The following PKHD1 variants were observed in gnomAD, a reference collection of about 807,000 sequenced individuals.
PKHD1 encodes the protein PKHD1 ciliary IPT domain containing fibrocystin/polyductin.
Under a neutral mutation model 412.0 loss-of-function variants are expected in PKHD1, and 291 were observed. The ratio of observed to expected loss-of-function variants is 0.71; its 90% CI spans 0.64 to 0.78. The LOEUF is 0.78. Ranked by LOEUF, PKHD1 falls within the 30% of genes least tolerant of loss-of-function variation. The probability of loss-of-function intolerance (pLI) is 0.00; values close to 1 mark genes in which losing one functional copy is unlikely to be tolerated. For synonymous variants in PKHD1, 1,777 were observed against 1,821.5 expected (o/e 0.98, Z 0.62); for missense variants, 4,825 against 4,950.7 (o/e 0.97, Z 0.76).
intron 60 of PKHD1, among the ~76,000 whole-genome samples, chr6:51,662,937 T>C (rs926668953): frequency 6.6e-6 from 1 of 152,082 alleles, no homozygotes; most frequent in Non-Finnish European, 1.5e-5. Flanking sequence ...AATTTAATTA[T>C]CAAATTTAAA....
chr6:51,870,386 A>G lies in PKHD1; in HGVS notation c.7486+118T>C. 11 of 911,392 alleles carry G rather than the reference A, an allele frequency of 1.2e-5. No homozygotes were observed. In the South Asian group the frequency reaches 1.5e-4, roughly 13 times the overall value. The allele number at this position is 911,392 out of a possible 1,614,324, so 56.5% of individuals were successfully genotyped here. A position where few individuals can be genotyped will look rare whatever the true frequency, so the allele number is the denominator to read the frequency against. On this transcript the variant is annotated intron_variant, in intron 47 of 66. Transcript: ENST00000371117. ...TTAGGAGATTTAAGCAACAGTTTCT[A>G]CTGATGCAATCTTATAACTGAAAGA...
At position 52,025,461 on chromosome 6, in the gene PKHD1, T is replaced by A. The variant is rs765400037; in HGVS notation, c.4349A>T (p.Asp1450Val). 6.2e-7 allele frequency: 1 copy of A among 1,608,864 alleles called. No homozygotes were observed. The highest frequency in any genetic ancestry group is 8.5e-7 in the Non-Finnish European group (1 of 1,176,612). ...TILCQVSLEG[D>V]PLPGASFSLN... ...GGAGAAGGAAGCTCCAGGCAAGGGG[T>A]CACCCTCCAGGCTAACCTGGCAGAG... Residue 1450 changes from aspartate (D) to valine (V), a missense_variant, in exon 32 of 67, where the codon GAC (aspartate) becomes GTC (valine). By Grantham distance (152) the Asp-to-Val change is radical. Coordinates refer to ENST00000371117, the MANE Select transcript of PKHD1 (RefSeq NM_138694.4).
At chr6:51,912,693 T>G in intron 37 of PKHD1, 117 bp from the exon 38 acceptor site, 1 of 778,300 alleles carries the variant, frequency 1.3e-6, no homozygotes, top group Middle Eastern at 2.5e-4. Flanking sequence ...AAATAAGACC[T>G]GGAAAAGCAA....
chr6:52,082,437 A>G lies in PKHD1; in HGVS notation c.236T>C (p.Val79Ala). 6 of 1,614,128 alleles carry G rather than the reference A, an allele frequency of 3.7e-6. No individual in the cohort carries two copies. Among genetic ancestry groups the G allele is most frequent in the Non-Finnish European group, 5.1e-6 (6 of 1,179,980 alleles). The change falls in exon 4 of 67, where the codon GTC (valine) becomes GCC (alanine). Residue 79 changes from valine (V) to alanine (A), a missense_variant. By Grantham distance (64) the Val-to-Ala change is moderately conservative (BLOSUM62 0). Coordinates refer to ENST00000371117, the MANE Select transcript of PKHD1 (RefSeq NM_138694.4). ...AGGCAAATCCAAGAAAACAGGAAAGACGTCACAGGGAACACTCCGCAGTGC... is the reference window on the plus strand; with the variant it reads ...AGGCAAATCCAAGAAAACAGGAAAGGCGTCACAGGGAACACTCCGCAGTGC... Reference protein sequence around the residue: ...VPALRSVPCDVFPVFLDLPVV... With the variant: ...VPALRSVPCDAFPVFLDLPVV...
At chr6:52,039,196 T>C (rs1804424862) in intron 27 of PKHD1, among the ~76,000 whole-genome samples, 1 of 152,232 alleles carries the variant, frequency 6.6e-6, no homozygotes, top group African/African-American at 2.4e-5. Context: ...CCCATTAAGA[T>C]GGCTACTGTG....
chr6:51,752,565 G>A (rs762627961), intron 57 of PKHD1, among the ~76,000 whole-genome samples: 4 of 152,080 alleles, frequency 2.6e-5, no homozygotes, highest in Non-Finnish European at 4.4e-5. Flanking sequence ...CTTTATTCTC[G>A]GCCTTCTCCA....
intron 49 of PKHD1, among the ~76,000 whole-genome samples, chr6:51,855,419 A>G (rs1424679236): frequency 1.3e-5 from 2 of 152,086 alleles, no homozygotes; most frequent in Non-Finnish European, 1.5e-5. Context: ...CCTTAACCCA[A>G]TCCAGCCTGG....
rs778185723 is a variant in PKHD1 at position 51,659,502 on chromosome 6, G to A, written c.10624C>T (p.Leu3542Phe). 1.2e-6 allele frequency: 2 copies of A among 1,613,260 alleles called. No individual in the cohort carries two copies. The highest frequency in any genetic ancestry group is 1.7e-6 in the Non-Finnish European group (2 of 1,179,460). ...GANYFNIMDNLLYVVLQGEEP... is the reference protein window; with the variant it reads ...GANYFNIMDNFLYVVLQGEEP... ...TCTCCTTGTAGGACAACATACAAGA[G>A]GTTATCCATGATGTTGAAATAGTTG... The change falls in exon 61 of 67, where the codon CTC becomes TTC. Residue 3542 changes from leucine to phenylalanine, a missense_variant. By Grantham distance (22) the Leu-to-Phe change is conservative. Transcript: ENST00000371117.
chr6:51,624,366 T>C (rs1029865898), intron 66 of PKHD1, among the ~76,000 whole-genome samples: 3 of 152,218 alleles, frequency 2.0e-5, no homozygotes. Context: ...TATCAATAAT[T>C]TCCAAACATA....
intron 60 of PKHD1, among the ~76,000 whole-genome samples, chr6:51,706,505 A>C (rs906774359): frequency 1.3e-5 from 2 of 149,588 alleles, no homozygotes; most frequent in African/African-American, 2.4e-5. Flanking sequence ...GGGTAACATG[A>C]CTAATGAAAG....
At chr6:51,838,522 G>A (rs1022651780) in intron 50 of PKHD1, among the ~76,000 whole-genome samples, 4 of 152,188 alleles carry the variant, frequency 2.6e-5, no homozygotes, top group Non-Finnish European at 5.9e-5. Flanking sequence ...CTTCATTAAC[G>A]TTGAGTGTGT....
chr6:51,827,585 A>G (rs767671992), intron 52 of PKHD1, among the ~76,000 whole-genome samples: 14 of 152,068 alleles, frequency 9.2e-5, no homozygotes, highest in Non-Finnish European at 2.1e-4. Context: ...TTCTTACCTC[A>G]TCTTTCAAAA....
intron 60 of PKHD1, among the ~76,000 whole-genome samples, chr6:51,661,495 A>G (rs1351874253): frequency 6.6e-6 from 1 of 152,106 alleles, no homozygotes; most frequent in Non-Finnish European, 1.5e-5. Flanking sequence ...GTCAAACTAT[A>G]TAATTTTCTC....
At chr6:51,692,747 A>T (rs1373935326) in intron 60 of PKHD1, among the ~76,000 whole-genome samples, 1 of 150,670 alleles carries the variant, frequency 6.6e-6, no homozygotes. Flanking sequence ...TGAAAAGCTA[A>T]GTTTTCTTAT....
intron 55 of PKHD1, among the ~76,000 whole-genome samples, chr6:51,756,258 A>C (rs918791649): frequency 1.5e-4 from 23 of 152,190 alleles, no homozygotes; most frequent in African/African-American, 5.3e-4. Context: ...GTTACAGAAT[A>C]TTTAAGCACC....
chr6:52,023,038 T>G, intron 32 of PKHD1, 94 bp from the exon 33 acceptor site: 1 of 1,420,804 alleles, frequency 7.0e-7, no homozygotes, highest in Admixed American at 1.7e-5. Flanking sequence ...TCACTACCCA[T>G]TCTTCTTTTC....
chr6:51,619,287 G>A lies in PKHD1; in HGVS notation c.12019C>T (p.Leu4007Phe), dbSNP rs1314317706. The stretch of plus-strand genomic sequence containing the variant: ...TTTTGGCCTGCCAGCTGGTATCTGA[G>A]CAACTGCTCTTGGCCCTCCTTCCAG... ...GNWKEGQEQL[L>F]RYQLAGQNQL... Residue 4007 changes from leucine to phenylalanine, a missense_variant, in exon 67 of 67, where the codon CTC becomes TTC. Transcript: ENST00000371117. 6.2e-7 allele frequency: 1 copy of A among 1,614,154 alleles called. No homozygotes were observed. The highest frequency in any genetic ancestry group is 1.3e-5 in the African/African-American group (1 of 74,960).
intron 48 of PKHD1, among the ~76,000 whole-genome samples, chr6:51,859,507 C>A (rs945231571): frequency 5.1e-5 from 6 of 118,362 alleles, no homozygotes; most frequent in African/African-American, 6.7e-5. Flanking sequence ...GCCTGGGCAA[C>A]AGAGCGAGAT....
At chr6:51,903,776 C>G (rs202119061) in intron 42 of PKHD1, 49 bp from the exon 43 acceptor site, 5 of 1,485,106 alleles carry the variant, frequency 3.4e-6, no homozygotes, top group Non-Finnish European at 2.8e-6. Flanking sequence ...TTAAAATGTA[C>G]TCAACTCAAC....
Sources: gnomAD v4.1 joint callset for allele counts (sites outside exome capture counted in the v4.1 genomes callset) on GRCh38, gnomAD v4.1.1 for gene constraint, MANE v1.5 for transcripts, NCBI Gene and HGNC (gene_info 2026-07-23, HGNC 2026-07-21) for gene names.